OR1L6: variants seen among roughly 807,000 people sequenced by gnomAD.
The protein encoded by OR1L6 is olfactory receptor 1L6.
In OR1L6, 2 loss-of-function variants were observed where a neutral mutation model predicts 3.0. That is an observed-to-expected ratio of 0.68 (90% CI 0.28 to 2.13). OR1L6 has a LOEUF of 2.13. Among genes scored for constraint, OR1L6 ranks in the 30% most tolerant of loss-of-function variants. OR1L6 has a pLI of 0.14. For missense variants in OR1L6, 304 were observed against 378.4 expected, an observed-to-expected ratio of 0.80 and a Z score of 1.63; for synonymous variants, 121 against 148.4, an observed-to-expected ratio of 0.82 and a Z score of 1.34.
intron 1 of OR1L6, among the ~76,000 whole-genome samples, chr9:122,744,611 G>A (rs1023025904): frequency 6.6e-6 from 1 of 152,156 alleles, no homozygotes; most frequent in Non-Finnish European, 1.5e-5. Flanking sequence ...TGACTTAGAA[G>A]GCTTAGAAAG....
chr9:122,750,123 T>C lies in OR1L6; in HGVS notation c.276T>C (p.Val92=), dbSNP rs1828876366. 1 of 1,613,660 alleles carries C rather than the reference T, an allele frequency of 6.2e-7. No homozygotes were observed. The highest frequency in any genetic ancestry group is 1.3e-5 in the African/African-American group (1 of 74,918). The change falls in exon 2 of 2, where the codon GTT becomes GTC. Residue 92 remains valine, a synonymous_variant. Transcript: ENST00000304720. ...TGAATTTTCTATCAGAGACAAAGGT[T>C]ATCTCCTATGTGGGCTGCCTGGCCC... is the stretch of plus-strand genomic sequence containing the variant. ...MLVNFLSETK[V]ISYVGCLAQM...
rs1159812228 is a variant in OR1L6, at chr9:122,750,411, C to T, written c.564C>T (p.Leu188=). The change falls in exon 2 of 2, where the codon CTC becomes CTT. Residue 188 remains leucine, a synonymous_variant. Coordinates refer to ENST00000304720, the MANE Select transcript of OR1L6 (RefSeq NM_001004453.3). ...FFCDTQPVLK[L]SCSDTSSSQM... is the part of the protein sequence containing the mutation. Reference sequence around the variant, plus strand: ...GTGACACCCAGCCTGTGCTAAAGCTCTCCTGCTCTGACACATCCTCCAGCC... The same window carrying T: ...GTGACACCCAGCCTGTGCTAAAGCTTTCCTGCTCTGACACATCCTCCAGCC... 2 of 1,607,972 alleles carry T rather than the reference C, an allele frequency of 1.2e-6. No individual in the cohort carries two copies. Among genetic ancestry groups the T allele is most frequent in the Non-Finnish European group, 1.7e-6 (2 of 1,176,512 alleles).
intron 1 of OR1L6, among the ~76,000 whole-genome samples, chr9:122,748,365 A>G (rs1828856438): frequency 6.6e-6 from 1 of 152,116 alleles, no homozygotes; most frequent in South Asian, 2.1e-4. Context: ...AAGTATCCTC[A>G]TTCAAGGTGG....
At chr9:122,745,097 G>A (rs905377461) in intron 1 of OR1L6, among the ~76,000 whole-genome samples, 7 of 152,190 alleles carry the variant, frequency 4.6e-5, no homozygotes, top group Admixed American at 3.3e-4. Context: ...TGAAAGTTAT[G>A]TGTCTCATGT....
At position 122,749,999 on chromosome 9, in the gene OR1L6, A is replaced by T; in HGVS notation, c.152A>T (p.Tyr51Phe). 6.2e-7 allele frequency: 1 copy of T among 1,613,670 alleles called. No homozygotes were observed. The highest frequency in any genetic ancestry group is 8.5e-7 in the Non-Finnish European group (1 of 1,179,918). ...VGNVLIIPAIYSDPRLHTPMY... is the reference protein window; with the variant it reads ...VGNVLIIPAIFSDPRLHTPMY... The stretch of plus-strand genomic sequence containing the variant: ...AATGTGCTCATCATCCCGGCCATCT[A>T]CTCTGACCCCAGGCTCCACACCCCT... The change falls in exon 2 of 2, where the codon TAC (tyrosine) becomes TTC (phenylalanine). Residue 51 changes from tyrosine (Y) to phenylalanine (F), a missense_variant. Transcript: ENST00000304720.
intron 1 of OR1L6, among the ~76,000 whole-genome samples, chr9:122,745,606 G>A (rs1360123267): frequency 6.6e-6 from 1 of 151,686 alleles, no homozygotes; most frequent in East Asian, 1.9e-4. Flanking sequence ...TAGAGACGGG[G>A]TTTCACCGTG....
At chr9:122,742,947 T>C (rs1245825834) in intron 1 of OR1L6, among the ~76,000 whole-genome samples, 1 of 152,188 alleles carries the variant, frequency 6.6e-6, no homozygotes, top group Non-Finnish European at 1.5e-5. Context: ...TGTGAGCTCC[T>C]TGTCTCTAGA....
intron 1 of OR1L6, among the ~76,000 whole-genome samples, chr9:122,745,076 T>C (rs1221925032): frequency 1.3e-5 from 2 of 152,216 alleles, no homozygotes; most frequent in African/African-American, 4.8e-5. Flanking sequence ...GTACATTGCC[T>C]AAGAGTGAGA....
chr9:122,748,423 A>T (rs1828857062), intron 1 of OR1L6, among the ~76,000 whole-genome samples: 1 of 152,188 alleles, frequency 6.6e-6, no homozygotes, highest in Admixed American at 6.5e-5. Flanking sequence ...GAAGCTAAGA[A>T]GTTGGTCAAG....
rs112087932 is a variant in OR1L6, at chr9:122,749,660, A to T, written c.-13-175A>T. 256 of 698,570 alleles carry T rather than the reference A, an allele frequency of 3.7e-4. 1 individual carries two copies. Among genetic ancestry groups the T allele is most frequent in the Admixed American group, 1.1e-3 (48 of 42,866 alleles). The allele number at this position is 698,570 out of a possible 1,614,324, so 43.3% of individuals were successfully genotyped here. On this transcript the variant is annotated intron_variant, in intron 1 of 1. Coordinates refer to ENST00000304720, the MANE Select transcript of OR1L6 (RefSeq NM_001004453.3). ...GAGGCGGAGCTTGCAGTGAGCTGAG[A>T]TCACGCCACTGCACTCCAGTCTGGG...
chr9:122,748,818 G>A (rs1828861165), intron 1 of OR1L6, among the ~76,000 whole-genome samples: 2 of 151,972 alleles, frequency 1.3e-5, no homozygotes, highest in African/African-American at 4.8e-5. Context: ...TTTTTTATTT[G>A]TATATTTGTA....
chr9:122,746,589 T>G (rs1828839431), intron 1 of OR1L6, among the ~76,000 whole-genome samples: 1 of 152,214 alleles, frequency 6.6e-6, no homozygotes, highest in Non-Finnish European at 1.5e-5. Flanking sequence ...TATTTTGATA[T>G]ACAAATATTA....
rs1828878968 is a variant in OR1L6 at position 122,750,225 on chromosome 9, C to T, written c.378C>T (p.Ala126=). 3 of 1,614,078 alleles carry T rather than the reference C, an allele frequency of 1.9e-6. No individual in the cohort carries two copies. Among genetic ancestry groups the T allele is most frequent in the Non-Finnish European group, 2.5e-6 (3 of 1,180,022 alleles). The change falls in exon 2 of 2, where the codon GCC becomes GCT. Residue 126 remains alanine, a synonymous_variant. Transcript: ENST00000304720. ...CTATGGCCATCGACCGGCTGGTGGC[C>T]ATCTGCAACCCCTTACACTATGATG... ...LASMAIDRLV[A]ICNPLHYDVV...
chr9:122,747,206 A>G (rs1225542316), intron 1 of OR1L6, among the ~76,000 whole-genome samples: 1 of 152,102 alleles, frequency 6.6e-6, no homozygotes, highest in Non-Finnish European at 1.5e-5. Context: ...GTTTTACTAT[A>G]TATTAAGTTG....
chr9:122,750,215 G>T lies in OR1L6; in HGVS notation c.368G>T (p.Arg123Leu), dbSNP rs200034055. 1 of 1,614,002 alleles carries T rather than the reference G, an allele frequency of 6.2e-7. No homozygotes were observed. The highest frequency in any genetic ancestry group is 8.5e-7 in the Non-Finnish European group (1 of 1,179,970). The change falls in exon 2 of 2, where the codon CGG becomes CTG. Residue 123 changes from arginine (R) to leucine (L), a missense_variant. By Grantham distance (102) the Arg-to-Leu change is moderately radical. This residue lies in a region of OR1L6 where 192 missense variants were observed against 242.7 expected (regional missense o/e 0.79). Coordinates refer to ENST00000304720, the MANE Select transcript of OR1L6 (RefSeq NM_001004453.3). ...SYLLASMAID[R>L]LVAICNPLHY... ...CTGCTGGCCTCTATGGCCATCGACC[G>T]GCTGGTGGCCATCTGCAACCCCTTA...
chr9:122,748,607 T>C (rs560160130), intron 1 of OR1L6, among the ~76,000 whole-genome samples: 1 of 152,118 alleles, frequency 6.6e-6, no homozygotes, highest in Non-Finnish European at 1.5e-5. Context: ...CAAGTTAGGG[T>C]CTTTAGGGTG....
chr9:122,745,526 C>T (rs760381580), intron 1 of OR1L6, among the ~76,000 whole-genome samples: 4 of 147,284 alleles, frequency 2.7e-5, no homozygotes, highest in Non-Finnish European at 5.9e-5. Context: ...CATTCTCCTG[C>T]CTCAGCCTCC....
At chr9:122,749,779 G>A (rs1828871100) in intron 1 of OR1L6, 56 bp from the exon 2 acceptor site, 1 of 1,479,766 alleles carries the variant, frequency 6.8e-7, no homozygotes, top group African/African-American at 1.4e-5. Flanking sequence ...GAAAGAAGCT[G>A]TCTTGGTCAA....
intron 1 of OR1L6, among the ~76,000 whole-genome samples, chr9:122,743,495 A>G (rs1828808030): frequency 6.6e-6 from 1 of 152,204 alleles, no homozygotes; most frequent in African/African-American, 2.4e-5. Context: ...CCAGCCTAGA[A>G]AGGACCTGCA....
Sources: allele counts gnomAD v4.1 joint callset (sites outside exome capture counted in the v4.1 genomes callset), GRCh38; gene constraint gnomAD v4.1.1; regional missense constraint gnomAD v4.1.1; transcripts MANE v1.5; gene names NCBI Gene and HGNC (gene_info 2026-07-23, HGNC 2026-07-21).